SEPTIN9: variants seen among roughly 807,000 people sequenced by gnomAD.
SEPTIN9 encodes the protein septin-9.
A neutral mutation model predicts 56.6 loss-of-function variants in SEPTIN9; 13 were observed. The observed-to-expected ratio is 0.23, with a 90% confidence interval of 0.15 to 0.37. SEPTIN9 has a LOEUF of 0.37. Among genes scored for constraint, SEPTIN9 ranks in the 10% least tolerant of loss-of-function variants. SEPTIN9 has a pLI of 1.00. For missense variants in SEPTIN9, 650 were observed against 823.1 expected (o/e 0.79, Z 2.57); for synonymous variants, 332 against 334.1 (o/e 0.99, Z 0.07).
At chr17:77,407,886 A>C in intron 3 of SEPTIN9, among the ~76,000 whole-genome samples, 1 of 152,028 alleles carries the variant, frequency 6.6e-6, no homozygotes. Context: ...GCCCCCCAAC[A>C]TGGGTGCCTC....
rs563875619 is a variant in SEPTIN9, at chr17:77,482,457, C to G, written c.913+122C>G. The G allele has an allele frequency of 3.1e-5, 31 of 988,268 alleles. No individual in the cohort carries two copies. The South Asian group carries it at 4.1e-4, about 13-fold the overall frequency. The allele number at this position is 988,268 out of a possible 1,614,324, so 61.2% of individuals were successfully genotyped here. A position where few individuals can be genotyped will look rare whatever the true frequency, so the allele number is the denominator to read the frequency against. On this transcript the variant is annotated intron_variant, in intron 4 of 11. Coordinates refer to ENST00000427177, the MANE Select transcript of SEPTIN9 (RefSeq NM_001113491.2). ...TAAAATGGGGCAGCAACCCTGACCT[C>G]AAGGACGGATTGCCAGTGACATTGC...
At chr17:77,359,265 T>C (rs2034345080) in intron 2 of SEPTIN9, among the ~76,000 whole-genome samples, 2 of 152,168 alleles carry the variant, frequency 1.3e-5, no homozygotes, top group Admixed American at 1.3e-4. Flanking sequence ...AGCTCAGATA[T>C]TGGGGAAACA....
chr17:77,487,491 G>A lies in SEPTIN9; in HGVS notation c.981G>A (p.Ser327=), dbSNP rs753589942. Residue 327 remains serine, a synonymous_variant, in exon 5 of 12, where the codon TCG becomes TCA. Coordinates refer to ENST00000427177, the MANE Select transcript of SEPTIN9 (RefSeq NM_001113491.2). This position sits in a 1 kb window ranked among gnomAD's most constrained non-coding sequence, Gnocchi z 4.3. ...TLFKSKISRK[S]VQPTSEERIP... is the part of the protein sequence containing the mutation. Reference sequence around the variant, plus strand: ...TCAAATCCAAAATCAGCCGGAAGTCGGTGCAGCCCACCTCAGAGGAGCGCA... The same window carrying A: ...TCAAATCCAAAATCAGCCGGAAGTCAGTGCAGCCCACCTCAGAGGAGCGCA... 17 of 1,613,106 alleles carry A rather than the reference G, an allele frequency of 1.1e-5. No individual in the cohort carries two copies. Among genetic ancestry groups the A allele is most frequent in the African/African-American group, 5.3e-5 (4 of 74,914 alleles).
chr17:77,494,276 C>G (rs2040161164), intron 10 of SEPTIN9, among the ~76,000 whole-genome samples: 1 of 152,252 alleles, frequency 6.6e-6, no homozygotes, highest in Non-Finnish European at 1.5e-5. Context: ...ACAGTTCAAC[C>G]CACTCCTGGC....
At chr17:77,454,511 A>C (rs1203033675) in intron 3 of SEPTIN9, 1 of 357,940 alleles carries the variant, frequency 2.8e-6, no homozygotes, top group African/African-American at 2.2e-5. Flanking sequence ...TTACAGGCCC[A>C]TGAGGGTCCC....
intron 3 of SEPTIN9, among the ~76,000 whole-genome samples, chr17:77,440,320 A>G (rs2037499528): frequency 6.6e-6 from 1 of 151,632 alleles, no homozygotes; most frequent in Non-Finnish European, 1.5e-5. Context: ...ACGCCCGGCG[A>G]ATTTTTGTAT....
chr17:77,428,593 G>T (rs764420583), intron 3 of SEPTIN9, among the ~76,000 whole-genome samples: 5 of 152,240 alleles, frequency 3.3e-5, no homozygotes, highest in Non-Finnish European at 5.9e-5. Context: ...TTTGAAGTAG[G>T]CTGTGCGGCG....
chr17:77,378,146 C>T (rs879511919), intron 2 of SEPTIN9, among the ~76,000 whole-genome samples: 5 of 152,104 alleles, frequency 3.3e-5, no homozygotes, highest in Non-Finnish European at 5.9e-5. Context: ...TGGAGGTAAA[C>T]GCCAGGACAC....
chr17:77,391,241 G>A (rs2144036116), intron 2 of SEPTIN9, among the ~76,000 whole-genome samples: 1 of 152,336 alleles, frequency 6.6e-6, no homozygotes, highest in South Asian at 2.1e-4. Flanking sequence ...GGCTGGAGTG[G>A]CCACAGCAGG....
chr17:77,373,364 G>C, intron 2 of SEPTIN9: 2 of 1,205,794 alleles, frequency 1.7e-6, no homozygotes, highest in Non-Finnish European at 2.1e-6. Flanking sequence ...AGGGGGCCTA[G>C]GGGCTCCTCC....
rs2032841723 is a variant in SEPTIN9 at position 77,319,876 on chromosome 17, C to T, written c.76+12679C>T. The T allele has an allele frequency of 1.3e-5, 14 of 1,095,716 alleles. No homozygotes were observed. The highest frequency in any genetic ancestry group is 4.7e-5 in the East Asian group (1 of 21,170). 67.9% of individuals were successfully genotyped at this position (1,095,716 alleles called of 1,614,324 possible). ...TAAAAAGGAGCAGCAAGCCTCGGGG[C>T]GGCGGGGGCTGGAGGAGGTGGAGAG... On this transcript the variant is annotated intron_variant, in intron 2 of 11. Coordinates refer to ENST00000427177, the MANE Select transcript of SEPTIN9 (RefSeq NM_001113491.2). The surrounding 1 kb of genome is among the most constrained non-coding windows in gnomAD (Gnocchi z 5.3).
chr17:77,394,577 C>T (rs1312104142), intron 2 of SEPTIN9, among the ~76,000 whole-genome samples: 6 of 152,230 alleles, frequency 3.9e-5, no homozygotes, highest in East Asian at 1.9e-4. Context: ...CTCCCTCCTA[C>T]GAGAGCTGAG....
In SEPTIN9 at chr17:77,442,532, C is replaced by T. The variant is rs143393582; in HGVS notation, c.722-39612C>T. 3.0e-5 allele frequency among the ~76,000 whole-genome samples: 4 copies of T among 133,644 alleles called. No homozygotes were observed. In the East Asian group the frequency reaches 7.6e-4, roughly 25 times the overall value. 87.7% of individuals were successfully genotyped at this position (133,644 alleles called of 152,430 possible). Reference sequence around the variant, plus strand: ...AAAAAAAAAAAAAAAAAAAAAAGAACTTAGGGCCCGTATACTATCTTAATA... The same window carrying T: ...AAAAAAAAAAAAAAAAAAAAAAGAATTTAGGGCCCGTATACTATCTTAATA... On this transcript the variant is annotated intron_variant, in intron 3 of 11. Coordinates refer to ENST00000427177, the MANE Select transcript of SEPTIN9 (RefSeq NM_001113491.2).
At chr17:77,373,521 G>A (rs1379710651) in intron 2 of SEPTIN9, 1 of 1,543,218 alleles carries the variant, frequency 6.5e-7, no homozygotes, top group Non-Finnish European at 8.7e-7. Flanking sequence ...CGGTCAACGC[G>A]CAGCTGGATG....
Position 77,434,696 on chromosome 17 carries a change from T to C in SEPTIN9, c.721+31993T>C, listed in dbSNP as rs778453054. Reference sequence around the variant, plus strand: ...AGACGTGAGGGTTGGCATCTTCTCTTGCACGTGAAGCAAAGGCCTGTTTGA... The same window carrying C: ...AGACGTGAGGGTTGGCATCTTCTCTCGCACGTGAAGCAAAGGCCTGTTTGA... On this transcript the variant is annotated intron_variant, in intron 3 of 11. Transcript: ENST00000427177. This position sits in a 1 kb window ranked among gnomAD's most constrained non-coding sequence, Gnocchi z 5.0. 1.3e-5 allele frequency among the ~76,000 whole-genome samples: 2 copies of C among 152,204 alleles called. No homozygotes were observed. The highest frequency in any genetic ancestry group is 2.9e-5 in the Non-Finnish European group (2 of 68,026).
At chr17:77,438,558 G>A (rs1485237844) in intron 3 of SEPTIN9, among the ~76,000 whole-genome samples, 1 of 152,178 alleles carries the variant, frequency 6.6e-6, no homozygotes, top group African/African-American at 2.4e-5. Context: ...TTTTAAAAGC[G>A]CAATAGACCA....
At chr17:77,290,567 C>T (rs1378316026) in intron 1 of SEPTIN9, among the ~76,000 whole-genome samples, 1 of 151,802 alleles carries the variant, frequency 6.6e-6, no homozygotes, top group African/African-American at 2.4e-5. Flanking sequence ...GTGGCTCACA[C>T]CTGTAATCCC....
At chr17:77,410,664 T>C (rs2036264356) in intron 3 of SEPTIN9, among the ~76,000 whole-genome samples, 1 of 152,134 alleles carries the variant, frequency 6.6e-6, no homozygotes, top group African/African-American at 2.4e-5. Context: ...GTGGTTAGAG[T>C]GGACAGTGAT....
chr17:77,453,308 CA>C lies in SEPTIN9; in HGVS notation c.722-28831del, dbSNP rs1441834126. ...CTGTGGTCAGACCAGCATTCCATGT[CA>C]AAAATGGCCTTGTTGGCCGGGCGCA... On this transcript the variant is annotated intron_variant, in intron 3 of 11. Coordinates refer to ENST00000427177, the MANE Select transcript of SEPTIN9 (RefSeq NM_001113491.2). The surrounding 1 kb of genome is among the most constrained non-coding windows in gnomAD (Gnocchi z 4.4). 6.6e-6 allele frequency among the ~76,000 whole-genome samples: 1 copy of C among 152,122 alleles called. No individual in the cohort carries two copies. The highest frequency in any genetic ancestry group is 1.5e-5 in the Non-Finnish European group (1 of 68,032).
Sources: gnomAD v4.1 joint callset for allele counts (sites outside exome capture counted in the v4.1 genomes callset) on GRCh38, gnomAD v4.1.1 for gene constraint, Gnocchi (gnomAD v3.1) non-coding constraint, MANE v1.5 for transcripts, NCBI Gene and HGNC (gene_info 2026-07-23, HGNC 2026-07-21) for gene names.